Variants in RBFOX1 observed in about 807,000 individuals in gnomAD.
RBFOX1 encodes RNA binding protein fox-1 homolog 1.
A neutral mutation model predicts 57.7 loss-of-function variants in RBFOX1; 8 were observed. That is an observed-to-expected ratio of 0.14 (90% confidence interval 0.08 to 0.25). The LOEUF (loss-of-function observed/expected upper bound fraction) is 0.25. Among genes scored for constraint, RBFOX1 ranks in the 10% least tolerant of loss-of-function variants. RBFOX1 has a pLI of 1.00. For synonymous variants in RBFOX1, 326 were observed against 222.4 expected (o/e 1.47, Z -4.15); for missense variants, 611 against 548.5 (o/e 1.11, Z -1.14).
chr16:6,364,231 C>G (rs2089163477), intron 2 of RBFOX1, among the ~76,000 whole-genome samples: 1 of 152,202 alleles, frequency 6.6e-6, no homozygotes, highest in Non-Finnish European at 1.5e-5. Flanking sequence ...TTCAAAAGTG[C>G]TTTCTCCACA....
chr16:6,784,099 A>T (rs879200592), intron 3 of RBFOX1, among the ~76,000 whole-genome samples: 2 of 151,866 alleles, frequency 1.3e-5, no homozygotes, highest in Non-Finnish European at 2.9e-5. Flanking sequence ...GAATTTGATT[A>T]TTGTATACCT....
At chr16:7,077,121 C>G (rs1247343666) in intron 4 of RBFOX1, among the ~76,000 whole-genome samples, 2 of 152,176 alleles carry the variant, frequency 1.3e-5, no homozygotes, top group African/African-American at 4.8e-5. Flanking sequence ...CCAGAAATCT[C>G]TTCAAGGCCT....
At chr16:6,852,316 C>G (rs980428596) in intron 3 of RBFOX1, among the ~76,000 whole-genome samples, 2 of 152,086 alleles carry the variant, frequency 1.3e-5, no homozygotes, top group Admixed American at 1.3e-4. Flanking sequence ...TTTAAGGATG[C>G]TTGAGGTTGC....
At chr16:5,784,110 C>G (rs532980430) in intron 3 of RBFOX1, among the ~76,000 whole-genome samples, 2 of 152,278 alleles carry the variant, frequency 1.3e-5, no homozygotes, top group East Asian at 3.9e-4. Context: ...GAAACCTACA[C>G]TCACGGCAGA....
At chr16:7,502,465 A>G (rs1278762465) in intron 4 of RBFOX1, among the ~76,000 whole-genome samples, 1 of 152,172 alleles carries the variant, frequency 6.6e-6, no homozygotes, top group Non-Finnish European at 1.5e-5. Context: ...TCACCATATC[A>G]TGCCTCCACA....
At chr16:5,486,033 C>T (rs1366016572) in intron 2 of RBFOX1, among the ~76,000 whole-genome samples, 1 of 152,206 alleles carries the variant, frequency 6.6e-6, no homozygotes, top group Admixed American at 6.5e-5. Flanking sequence ...TCCTCTCTCC[C>T]TGCTTCCCAA....
At chr16:7,202,221 C>T (rs1451747779) in intron 4 of RBFOX1, among the ~76,000 whole-genome samples, 5 of 150,212 alleles carry the variant, frequency 3.3e-5, no homozygotes, top group Admixed American at 1.3e-4. Flanking sequence ...AGATGCTCAA[C>T]ATCATTAATC....
At chr16:5,707,578 T>G (rs74006209) in intron 3 of RBFOX1, among the ~76,000 whole-genome samples, 111 of 152,260 alleles carry the variant, frequency 7.3e-4, no homozygotes, top group African/African-American at 2.5e-3. Context: ...CCCCCAACAC[T>G]CCAGCTATAA....
At position 6,256,161 on chromosome 16, in the gene RBFOX1, A is replaced by ATATATATATGTATATATATG. The variant is rs1555582177; in HGVS notation, c.-126-60815_-126-60814insGTATATATATGTATATATAT. On this transcript the variant is annotated intron_variant, in intron 1 of 15. Coordinates refer to ENST00000550418, the MANE Select transcript of RBFOX1 (RefSeq NM_018723.4). ...TATGTGTGTATATATATATATATGT[A>ATATATATATGTATATATATG]TATATATATGTATATATATATATAC... Among the ~76,000 whole-genome samples the ATATATATATGTATATATATG allele has an allele frequency of 4.1e-3, 61 of 14,948 alleles. 2 individuals carry two copies. Among genetic ancestry groups the ATATATATATGTATATATATG allele is most frequent in the African/African-American group, 7.9e-3 (54 of 6,852 alleles). 9.8% of individuals were successfully genotyped at this position (14,948 alleles called of 152,430 possible). A position where few individuals can be genotyped will look rare whatever the true frequency, so the allele number is the denominator to read the frequency against.
chr16:5,265,758 G>T (rs940580917), intron 1 of RBFOX1, among the ~76,000 whole-genome samples: 2 of 152,116 alleles, frequency 1.3e-5, no homozygotes, highest in African/African-American at 4.8e-5. Flanking sequence ...AAACAAATAG[G>T]TACCTCTCTG....
chr16:6,767,955 A>ATAATAATAATAATAAT (rs1491434134), intron 3 of RBFOX1, among the ~76,000 whole-genome samples: 19 of 106,922 alleles, frequency 1.8e-4, no homozygotes, highest in South Asian at 2.9e-4. Context: ...AATAAGAAGA[A>ATAATAATAATAATAAT]GAAGAAGAAG....
At chr16:6,152,692 C>T (rs1175690547) in intron 1 of RBFOX1, among the ~76,000 whole-genome samples, 4 of 74,314 alleles carry the variant, frequency 5.4e-5, no homozygotes, top group Admixed American at 1.6e-4. Flanking sequence ...ACCTTCAAAT[C>T]ACATATGATA....
At chr16:7,417,086 G>T (rs771967517) in intron 4 of RBFOX1, among the ~76,000 whole-genome samples, 10 of 152,134 alleles carry the variant, frequency 6.6e-5, no homozygotes, top group Non-Finnish European at 1.0e-4. Context: ...ATAGCACAAA[G>T]AGTCCGGGCA....
chr16:6,698,821 T>C (rs2061425427), intron 3 of RBFOX1, among the ~76,000 whole-genome samples: 1 of 152,170 alleles, frequency 6.6e-6, no homozygotes, highest in African/African-American at 2.4e-5. Context: ...TCCCTTATAG[T>C]GATATGGAAT....
chr16:5,516,923 A>AT (rs2043813060), intron 2 of RBFOX1, among the ~76,000 whole-genome samples: 1 of 151,812 alleles, frequency 6.6e-6, no homozygotes. Context: ...TTCTTTATAA[A>AT]TTCCCCAGTC....
At chr16:6,997,169 G>C (rs532240818) in intron 3 of RBFOX1, among the ~76,000 whole-genome samples, 1 of 152,070 alleles carries the variant, frequency 6.6e-6, no homozygotes, top group East Asian at 1.9e-4. Flanking sequence ...AAATTAAATA[G>C]AGAATTATCT....
intron 2 of RBFOX1, among the ~76,000 whole-genome samples, chr16:5,579,959 C>T (rs563856500): frequency 3.9e-5 from 6 of 152,172 alleles, no homozygotes; most frequent in South Asian, 4.2e-4. Context: ...TTAGTAGAGA[C>T]GGGGTTTCAC....
chr16:5,901,354 C>A (rs563663294), intron 4 of RBFOX1, among the ~76,000 whole-genome samples: 5 of 152,130 alleles, frequency 3.3e-5, no homozygotes, highest in Admixed American at 6.5e-5. Context: ...CACCTTGCAC[C>A]CTGTAGCTGG....
intron 3 of RBFOX1, among the ~76,000 whole-genome samples, chr16:6,934,987 C>G (rs939106738): frequency 6.6e-6 from 1 of 151,872 alleles, no homozygotes. Flanking sequence ...AGTCGGGAGG[C>G]TGAGATAGGA....
Sources: gnomAD v4.1 joint callset for allele counts (sites outside exome capture counted in the v4.1 genomes callset) on GRCh38, gnomAD v4.1.1 for gene constraint, MANE v1.5 for transcripts, NCBI Gene and HGNC (gene_info 2026-07-23, HGNC 2026-07-21) for gene names.